The following PDE1C variants were observed in gnomAD, a reference collection of about 807,000 sequenced individuals.
PDE1C encodes the protein phosphodiesterase 1C.
PDE1C carries 62 observed loss-of-function variants against 93.1 expected under a neutral mutation model. That is an observed-to-expected ratio of 0.67 (90% CI 0.54 to 0.82). The LOEUF (loss-of-function observed/expected upper bound fraction) is 0.82, where lower values mean the gene tolerates loss of function less well. Ranked by LOEUF, PDE1C falls within the 40% of genes least tolerant of loss-of-function variation. The pLI is 0.00. For missense variants in PDE1C, 742 were observed against 884.6 expected, an observed-to-expected ratio of 0.84 and a Z score of 2.04; for synonymous variants, 325 against 310.1, an observed-to-expected ratio of 1.05 and a Z score of -0.50.
intron 1 of PDE1C, among the ~76,000 whole-genome samples, chr7:32,417,859 C>T (rs1238072372): frequency 6.6e-6 from 1 of 152,164 alleles, no homozygotes; most frequent in Non-Finnish European, 1.5e-5. Context: ...AATCATGTGA[C>T]TCAACGTAGT....
At chr7:31,957,066 T>C (rs539375817) in intron 2 of PDE1C, among the ~76,000 whole-genome samples, 200 of 151,888 alleles carry the variant, frequency 1.3e-3, no homozygotes, top group Non-Finnish European at 2.3e-3. Flanking sequence ...AATTCATTAA[T>C]TACTCTTTTT....
At chr7:32,164,303 A>G (rs73104522) in intron 3 of PDE1C, among the ~76,000 whole-genome samples, 1 of 152,348 alleles carries the variant, frequency 6.6e-6, no homozygotes, top group Non-Finnish European at 1.5e-5. Context: ...TAGACTAGAA[A>G]AAGATTTAGT....
chr7:31,706,307 G>C, the PDE1C span, among the ~76,000 whole-genome samples: 5 of 151,878 alleles, frequency 3.3e-5, no homozygotes, highest in Non-Finnish European at 7.4e-5. Flanking sequence ...ACCCGGCCCA[G>C]TAAATTTTTA....
chr7:32,111,890 T>A (rs1267158266), intron 3 of PDE1C, among the ~76,000 whole-genome samples: 4 of 152,158 alleles, frequency 2.6e-5, no homozygotes, highest in Non-Finnish European at 5.9e-5. Context: ...ATAATATAGA[T>A]GGTCAAATAA....
chr7:31,997,419 G>A (rs1158079277), intron 2 of PDE1C, among the ~76,000 whole-genome samples: 3 of 152,112 alleles, frequency 2.0e-5, no homozygotes, highest in Non-Finnish European at 4.4e-5. Context: ...TCTTTTTGTG[G>A]ACAGAACAAA....
intron 1 of PDE1C, among the ~76,000 whole-genome samples, chr7:32,236,433 C>T (rs1305226316): frequency 6.6e-6 from 1 of 151,996 alleles, no homozygotes; most frequent in Non-Finnish European, 1.5e-5. Context: ...ATTCAGAATA[C>T]ATAAAAAATT....
chr7:32,294,750 C>G (rs191310663), intron 1 of PDE1C, among the ~76,000 whole-genome samples: 1 of 152,322 alleles, frequency 6.6e-6, no homozygotes, highest in East Asian at 1.9e-4. Context: ...ACTGCACCTA[C>G]GCATCCCAAT....
At chr7:32,015,774 G>C (rs774190084) in intron 2 of PDE1C, among the ~76,000 whole-genome samples, 1 of 151,990 alleles carries the variant, frequency 6.6e-6, no homozygotes, top group Non-Finnish European at 1.5e-5. Flanking sequence ...AGTATACAAG[G>C]AGCTTTTTCA....
intron 2 of PDE1C, among the ~76,000 whole-genome samples, chr7:32,024,093 C>T (rs530790200): frequency 6.6e-6 from 1 of 152,092 alleles, no homozygotes; most frequent in African/African-American, 2.4e-5. Flanking sequence ...TATATGTAGT[C>T]AATTTATATC....
At chr7:31,617,266 A>AAAATGATTGATAGAT in the PDE1C span, among the ~76,000 whole-genome samples, 2 of 152,194 alleles carry the variant, frequency 1.3e-5, no homozygotes, top group African/African-American at 4.8e-5. Flanking sequence ...CAACAATTTA[A>AAAATGATTGATAGAT]CTTTGCAAAG....
chr7:31,867,047 G>T (rs955779266), intron 6 of PDE1C, among the ~76,000 whole-genome samples: 1 of 152,022 alleles, frequency 6.6e-6, no homozygotes, highest in African/African-American at 2.4e-5. Flanking sequence ...CATACTACCT[G>T]GGGGCTCAAT....
chr7:32,046,259 A>T (rs1288265588), intron 2 of PDE1C, among the ~76,000 whole-genome samples: 1 of 152,056 alleles, frequency 6.6e-6, no homozygotes, highest in Admixed American at 6.6e-5. Context: ...ATACATTTTT[A>T]AAATAACTGA....
intron 3 of PDE1C, among the ~76,000 whole-genome samples, chr7:32,102,392 C>G (rs907727877): frequency 9.9e-5 from 15 of 152,206 alleles, no homozygotes; most frequent in African/African-American, 3.4e-4. Context: ...GTTCAAATCC[C>G]TATTCTGCCA....
the PDE1C span, among the ~76,000 whole-genome samples, chr7:31,654,053 C>CAAAAAA: frequency 7.7e-6 from 1 of 130,366 alleles, no homozygotes. Context: ...AGAGTAAGTC[C>CAAAAAA]AAAAAAAAAA....
At chr7:31,992,044 G>A (rs1397152530) in intron 2 of PDE1C, among the ~76,000 whole-genome samples, 1 of 152,194 alleles carries the variant, frequency 6.6e-6, no homozygotes, top group East Asian at 1.9e-4. Flanking sequence ...TCCGTGAGCT[G>A]ATCAGCATGG....
chr7:31,652,915 A>G, the PDE1C span: 1 of 1,539,090 alleles, frequency 6.5e-7, no homozygotes, highest in East Asian at 2.3e-5. Flanking sequence ...CCCAAGGAGA[A>G]GGGTCTGCCA....
intron 1 of PDE1C, among the ~76,000 whole-genome samples, chr7:32,247,600 G>C (rs2128873253): frequency 6.6e-6 from 1 of 152,292 alleles, no homozygotes. Flanking sequence ...TGCTGCAAAA[G>C]TGTAGGCAGT....
intron 2 of PDE1C, among the ~76,000 whole-genome samples, chr7:31,917,741 C>G (rs1374327913): frequency 6.6e-6 from 1 of 152,188 alleles, no homozygotes; most frequent in Non-Finnish European, 1.5e-5. Context: ...CATAATCCTT[C>G]ATGTTTCTTC....
At chr7:32,074,089 A>C (rs1584705705), upstream of PDE1C, among the ~76,000 whole-genome samples, 1 of 152,222 alleles carries the variant, frequency 6.6e-6, no homozygotes, top group Admixed American at 6.5e-5. Context: ...GTACTCCTGC[A>C]AATTCACACA....
Sources: gnomAD v4.1 joint callset for allele counts (sites outside exome capture counted in the v4.1 genomes callset) on GRCh38, gnomAD v4.1.1 for gene constraint, MANE v1.5 for transcripts, NCBI Gene and HGNC (gene_info 2026-07-23, HGNC 2026-07-21) for gene names.